The following WASHC2A variants were observed in gnomAD, a reference collection of about 807,000 sequenced individuals.
WASHC2A encodes the protein WASH complex subunit FAM21A.
WASHC2A carries 82 observed loss-of-function variants against 140.3 expected under a neutral mutation model. That is an observed-to-expected ratio of 0.58 (90% confidence interval 0.49 to 0.70). The LOEUF is 0.70. Ranked by LOEUF, WASHC2A falls within the 30% of genes least tolerant of loss-of-function variation. The pLI, the probability that WASHC2A is intolerant of heterozygous loss-of-function variation, is 0.00. For synonymous variants in WASHC2A, 340 were observed against 560.8 expected (o/e 0.61, Z 5.56); for missense variants, 985 against 1,521.8 (o/e 0.65, Z 5.87).
chr10:50,121,014 G>GA (rs1842974743), intron 23 of WASHC2A, among the ~76,000 whole-genome samples: 1 of 146,632 alleles, frequency 6.8e-6, no homozygotes, highest in Non-Finnish European at 1.5e-5. Flanking sequence ...GGACATCTAT[G>GA]AAATCCCTCA....
intron 3 of WASHC2A, among the ~76,000 whole-genome samples, chr10:50,077,317 G>A (rs1489838036): frequency 6.6e-6 from 1 of 151,944 alleles, no homozygotes; most frequent in African/African-American, 2.4e-5. Flanking sequence ...AAATAAGCAG[G>A]AAGGGTAGGA....
At chr10:50,105,653 C>G (rs2132788284) in intron 18 of WASHC2A, among the ~76,000 whole-genome samples, 1 of 151,212 alleles carries the variant, frequency 6.6e-6, no homozygotes, top group East Asian at 1.9e-4. Context: ...AACTCAGATT[C>G]AGGCCCTCTG....
At chr10:50,101,470 A>T (rs1272079872) in intron 17 of WASHC2A, among the ~76,000 whole-genome samples, 182 of 152,028 alleles carry the variant, frequency 1.2e-3, no homozygotes, top group African/African-American at 4.0e-3. Flanking sequence ...GTTGCCAGGG[A>T]CAGTGTATAT....
rs1171277603 is a variant in WASHC2A, at chr10:50,126,461, C to T, written c.2811+282C>T. On this transcript the variant is annotated intron_variant, in intron 26 of 30. Coordinates refer to ENST00000282633, the MANE Select transcript of WASHC2A (RefSeq NM_001005751.3). ...AAGGTAGGATGAAGAATCTTCTTCC[C>T]ACTAAAGAATTTATTTCTCCCTCTG... is the stretch of plus-strand genomic sequence containing the variant. 12 of 263,714 alleles carry T rather than the reference C, an allele frequency of 4.6e-5. No homozygotes were observed. The South Asian group carries it at 7.3e-4, about 16-fold the overall frequency. The allele number at this position is 263,714 out of a possible 1,614,324, so 16.3% of individuals were successfully genotyped here.
At chr10:50,076,934 G>A in intron 3 of WASHC2A, among the ~76,000 whole-genome samples, 1 of 151,338 alleles carries the variant, frequency 6.6e-6, no homozygotes, top group African/African-American at 2.4e-5. Flanking sequence ...TTAACATGGT[G>A]AAACCCCATC....
At chr10:50,101,969 T>C (rs1486748867) in intron 17 of WASHC2A, among the ~76,000 whole-genome samples, 7 of 152,232 alleles carry the variant, frequency 4.6e-5, no homozygotes, top group African/African-American at 1.7e-4. Flanking sequence ...GAGAGCCCGA[T>C]GGAGGCCATG....
chr10:50,102,381 C>A (rs1227899288), intron 17 of WASHC2A, among the ~76,000 whole-genome samples: 1 of 152,028 alleles, frequency 6.6e-6, no homozygotes, highest in African/African-American at 2.4e-5. Context: ...CTTGCAGTAC[C>A]AAGAAAGGTA....
intron 3 of WASHC2A, among the ~76,000 whole-genome samples, chr10:50,070,972 C>T (rs1308910014): frequency 2.3e-5 from 2 of 88,866 alleles, no homozygotes; most frequent in East Asian, 4.9e-4. Flanking sequence ...GCGGAGGTTG[C>T]GGTGAGCCGA....
rs1317165394 is a variant in WASHC2A at position 50,100,201 on chromosome 10, G to A, written c.1635+137G>A. On this transcript the variant is annotated intron_variant, in intron 17 of 30. Transcript: ENST00000282633. ...CAGTTCTTTAAAAATTATCTCTAGA[G>A]GCCAGGAGTAGTGGTTCATGCCTGT... The A allele has an allele frequency of 2.0e-5, 30 of 1,490,400 alleles. No homozygotes were observed. In the Admixed American group the frequency reaches 6.2e-4, roughly 31 times the overall value. The allele number at this position is 1,490,400 out of a possible 1,614,324, so 92.3% of individuals were successfully genotyped here.
chr10:50,087,297 A>G lies in WASHC2A; in HGVS notation c.707A>G (p.His236Arg), dbSNP rs1554881324. The G allele has an allele frequency of 1.2e-6, 2 of 1,613,988 alleles. No individual in the cohort carries two copies. The highest frequency in any genetic ancestry group is 1.7e-6 in the Non-Finnish European group (2 of 1,179,862). The change falls in exon 8 of 31, where the codon CAT (histidine) becomes CGT (arginine). Residue 236 changes from histidine (H) to arginine (R), a missense_variant. His to Arg is a conservative substitution (Grantham distance 29, BLOSUM62 0). Transcript: ENST00000282633. ...AAGGAGTCAGATGAAGATTTTGCCC[A>G]TCATAGTGACAATGAACAAAACCGG... Reference protein sequence around the residue: ...EEEESDEDFAHHSDNEQNRHT... With the variant: ...EEEESDEDFARHSDNEQNRHT...
At chr10:50,073,512 A>G (rs1360796555) in intron 3 of WASHC2A, among the ~76,000 whole-genome samples, 2 of 136,902 alleles carry the variant, frequency 1.5e-5, no homozygotes, top group East Asian at 2.0e-4. Flanking sequence ...CTCCTTTTCT[A>G]CTTTTCTATT....
chr10:50,116,529 G>C (rs1287348091), intron 21 of WASHC2A, among the ~76,000 whole-genome samples: 2 of 145,708 alleles, frequency 1.4e-5, no homozygotes, highest in African/African-American at 5.2e-5. Context: ...TAGCCAGGAT[G>C]GTCTCGATCT....
intron 19 of WASHC2A, among the ~76,000 whole-genome samples, chr10:50,109,832 C>T (rs1352128781): frequency 1.2e-4 from 18 of 152,090 alleles, no homozygotes; most frequent in African/African-American, 3.9e-4. Flanking sequence ...TGCAGTGGCA[C>T]GATCTCCGTT....
At position 50,110,764 on chromosome 10, in the gene WASHC2A, G is replaced by A. The variant is rs1431441489; in HGVS notation, c.2039+494G>A. Among the ~76,000 whole-genome samples the A allele has an allele frequency of 3.3e-3, 499 of 151,486 alleles. 2 individuals carry two copies. The highest frequency in any genetic ancestry group is 0.011 in the African/African-American group (456 of 41,138). ...AAAAATTAGCCGGGTGTGGTGGCAC[G>A]CGCCTGTAGTCCCAGCTACTTGGGA... On this transcript the variant is annotated intron_variant, in intron 20 of 30. Transcript: ENST00000282633.
At chr10:50,126,246 C>T in intron 26 of WASHC2A, 67 bp downstream of exon 26, 1 of 1,610,238 alleles carries the variant, frequency 6.2e-7, no homozygotes, top group Non-Finnish European at 8.5e-7. Flanking sequence ...TTCCATTATG[C>T]AGACCCACAG....
At chr10:50,102,292 C>G (rs1308720941) in intron 17 of WASHC2A, among the ~76,000 whole-genome samples, 18 of 152,280 alleles carry the variant, frequency 1.2e-4, no homozygotes, top group Admixed American at 1.0e-3. Context: ...ACTCCTTTCT[C>G]TATATCTCAA....
intron 26 of WASHC2A, 140 bp downstream of exon 26, chr10:50,126,319 G>A (rs1554894997): frequency 6.6e-7 from 1 of 1,505,820 alleles, no homozygotes; most frequent in African/African-American, 1.4e-5. Flanking sequence ...TGTCTTCACT[G>A]CACTCCCCCC....
chr10:50,076,809 T>A (rs1838360816), intron 3 of WASHC2A, among the ~76,000 whole-genome samples: 3 of 138,400 alleles, frequency 2.2e-5, no homozygotes, highest in African/African-American at 2.7e-5. Context: ...TGAAACCCCA[T>A]CTCTACTAAA....
intron 25 of WASHC2A, among the ~76,000 whole-genome samples, chr10:50,125,841 G>A (rs1396584947): frequency 2.0e-5 from 3 of 152,064 alleles, no homozygotes; most frequent in Non-Finnish European, 4.4e-5. Context: ...GTAGGTTTTT[G>A]TAAGTACTCT....
Sources: gnomAD v4.1 joint callset for allele counts (sites outside exome capture counted in the v4.1 genomes callset) on GRCh38, gnomAD v4.1.1 for gene constraint, MANE v1.5 for transcripts, NCBI Gene and HGNC (gene_info 2026-07-23, HGNC 2026-07-21) for gene names.